DENND2D: variants seen among roughly 807,000 people sequenced by gnomAD.
The protein encoded by DENND2D is DENN domain-containing protein 2D.
A neutral mutation model predicts 59.8 loss-of-function variants in DENND2D; 37 were observed. The ratio of observed to expected loss-of-function variants is 0.62; its 90% CI spans 0.48 to 0.81. The LOEUF (loss-of-function observed/expected upper bound fraction) is 0.81. DENND2D is among the 40% of genes least tolerant of loss of function. The pLI, the probability that DENND2D is intolerant of heterozygous loss-of-function variation, is 0.00. For synonymous variants in DENND2D, 219 were observed against 211.3 expected (o/e 1.04, Z -0.31); for missense variants, 525 against 579.7 (o/e 0.91, Z 0.97).
chr1:111,202,832 C>A (rs1218018565), upstream of DENND2D, among the ~76,000 whole-genome samples: 2 of 152,114 alleles, frequency 1.3e-5, no homozygotes, highest in Admixed American at 1.3e-4. Flanking sequence ...GGCATATGCT[C>A]CTGGCCCTAC....
At chr1:111,197,804 T>C (rs1405703061) in intron 4 of DENND2D, 116 bp downstream of exon 4, 2 of 1,530,590 alleles carry the variant, frequency 1.3e-6, no homozygotes, top group East Asian at 2.4e-5. Flanking sequence ...GGCTGTGCTT[T>C]TTCTACAACC....
Position 111,187,663 on chromosome 1 carries a change from A to G in DENND2D, c.1358T>C (p.Ile453Thr). ...TTTCTTCTGTTCCTCATATTCAAGT[A>G]TTTTCTGTTGGAAATAGCCTGTGGG... The part of the protein sequence containing the change: ...NPPAGYFQQK[I>T]LEYEEQKKQK... Residue 453 changes from isoleucine (I) to threonine (T), a missense_variant, in exon 12 of 12, where the codon ATA (isoleucine) becomes ACA (threonine). Physicochemically the swap from Ile to Thr is moderately conservative, Grantham distance 89 (BLOSUM62 -1). Coordinates refer to ENST00000357640, the MANE Select transcript of DENND2D (RefSeq NM_024901.5). The G allele has an allele frequency of 6.2e-7, 1 of 1,613,686 alleles. No homozygotes were observed. Among genetic ancestry groups the G allele is most frequent in the Non-Finnish European group, 8.5e-7 (1 of 1,179,774 alleles).
Position 111,185,988 on chromosome 1 carries a change from T to C in DENND2D, c.*1617A>G, listed in dbSNP as rs3818797. Among the ~76,000 whole-genome samples, 40,133 of 152,130 alleles carry C rather than the reference T, an allele frequency of 0.26. 5,303 individuals are homozygous for C. The highest frequency in any genetic ancestry group is 0.37 in the East Asian group (1,895 of 5,176). On this transcript the variant is annotated 3_prime_UTR_variant, in exon 12 of 12. Transcript: ENST00000357640. ...AAGATGTTAAGGGCTAATTGAAATG[T>C]GTTTATTCTCCTAGATTCTTTTTCA... is the stretch of plus-strand genomic sequence containing the variant.
upstream of DENND2D, among the ~76,000 whole-genome samples, chr1:111,203,469 T>C (rs770198780): frequency 1.8e-4 from 27 of 152,264 alleles, no homozygotes; most frequent in Non-Finnish European, 2.9e-4. Context: ...GCCATAGGAC[T>C]GGCTAGTGGT....
chr1:111,187,304 G>A lies in DENND2D; in HGVS notation c.*301C>T. On this transcript the variant is annotated 3_prime_UTR_variant, in exon 12 of 12. Transcript: ENST00000357640. ...ATAATGATGGGAGAGGGCAGTTGCAGCAGCTTCTAACCAAGTGTCTACAAC... is the reference window on the plus strand; with the variant it reads ...ATAATGATGGGAGAGGGCAGTTGCAACAGCTTCTAACCAAGTGTCTACAAC... The A allele has an allele frequency of 2.9e-6, 1 of 347,172 alleles. No homozygotes were observed. Among genetic ancestry groups the A allele is most frequent in the Non-Finnish European group, 5.4e-6 (1 of 186,022 alleles). The allele number at this position is 347,172 out of a possible 1,614,324, so 21.5% of individuals were successfully genotyped here. A position where few individuals can be genotyped will look rare whatever the true frequency, so the allele number is the denominator to read the frequency against.
chr1:111,189,253 C>T lies in DENND2D; in HGVS notation c.973G>A (p.Val325Ile). The part of the protein sequence containing the change: ...QEVMDSPMEE[V>I]LLVNLCEGTF... Reference sequence around the variant, plus strand: ...CCTTCACAAAGATTGACCAGCAGGACCTGAAATAAACATAGACTGGCTTTC... The same window carrying T: ...CCTTCACAAAGATTGACCAGCAGGATCTGAAATAAACATAGACTGGCTTTC... Residue 325 changes from valine (V) to isoleucine (I), a missense_variant and splice_region_variant, in exon 9 of 12, where the codon GTC becomes ATC. By Grantham distance (29) the Val-to-Ile change is conservative. Coordinates refer to ENST00000357640, the MANE Select transcript of DENND2D (RefSeq NM_024901.5). 1 of 1,614,152 alleles carries T rather than the reference C, an allele frequency of 6.2e-7. No homozygotes were observed. Among genetic ancestry groups the T allele is most frequent in the East Asian group, 2.2e-5 (1 of 44,884 alleles).
chr1:111,204,498 C>A, upstream of DENND2D: 1 of 893,248 alleles, frequency 1.1e-6, no homozygotes, highest in Non-Finnish European at 1.5e-6. Context: ...ACCTTCCGGA[C>A]TCCGGCCCAA....
At position 111,186,302 on chromosome 1, in the gene DENND2D, A is replaced by AC. The variant is rs1657251610; in HGVS notation, c.*1302_*1303insG. On this transcript the variant is annotated 3_prime_UTR_variant, in exon 12 of 12. Transcript: ENST00000357640. Reference sequence around the variant, plus strand: ...TAGGCACCACTGCCATAAACTACCAAAAAAAAATGTAATTCCTAGAAGCTG... The same window carrying AC: ...TAGGCACCACTGCCATAAACTACCAACAAAAAAATGTAATTCCTAGAAGCTG... Among the ~76,000 whole-genome samples the AC allele has an allele frequency of 6.6e-6, 1 of 151,686 alleles. No homozygotes were observed. The highest frequency in any genetic ancestry group is 1.5e-5 in the Non-Finnish European group (1 of 67,922).
At chr1:111,198,943 T>C (rs1220358859) in intron 2 of DENND2D, among the ~76,000 whole-genome samples, 2 of 152,206 alleles carry the variant, frequency 1.3e-5, no homozygotes. Context: ...ACTCCAAAGC[T>C]GAAACAGCCC....
chr1:111,189,477 G>T, intron 8 of DENND2D: 1 of 573,708 alleles, frequency 1.7e-6, no homozygotes. Context: ...TGTAGGAAGG[G>T]AGTAGGAGAA....
chr1:111,188,422 CCAAACT>C, intron 10 of DENND2D, 52 bp from the exon 11 acceptor site: 1 of 1,592,544 alleles, frequency 6.3e-7, no homozygotes, highest in Non-Finnish European at 8.6e-7. Flanking sequence ...ATGAAATTAC[CCAAACT>C]CACCTTCAAG....
Position 111,198,751 on chromosome 1 carries a change from C to T in DENND2D, c.244-9G>A, listed in dbSNP as rs2101499128. On this transcript the variant is annotated splice_polypyrimidine_tract_variant and intron_variant, in intron 2 of 11. Coordinates refer to ENST00000357640, the MANE Select transcript of DENND2D (RefSeq NM_024901.5). ...CGAAGCAGGTTCTCCCGCTATAAGG[C>T]AAAGGAAAAGACAAGTGGATGTGAA... The T allele has an allele frequency of 6.2e-7, 1 of 1,614,004 alleles. No individual in the cohort carries two copies. The highest frequency in any genetic ancestry group is 8.5e-7 in the Non-Finnish European group (1 of 1,179,980).
chr1:111,189,336 G>T, intron 8 of DENND2D, 83 bp from the exon 9 acceptor site: 1 of 1,491,846 alleles, frequency 6.7e-7, no homozygotes, highest in Non-Finnish European at 9.3e-7. Flanking sequence ...TTCTGCCTGT[G>T]GCTGTATCTT....
At chr1:111,197,874 C>G (rs753847787) in intron 4 of DENND2D, 46 bp downstream of exon 4, 4 of 1,612,126 alleles carry the variant, frequency 2.5e-6, no homozygotes, top group Admixed American at 1.7e-5. Context: ...AGCCGTGGAG[C>G]TGAGCAGACT....
rs1657412923 is a variant in DENND2D at position 111,188,327 on chromosome 1, C to T, written c.1143G>A (p.Gln381=). 6.2e-7 allele frequency: 1 copy of T among 1,614,142 alleles called. No individual in the cohort carries two copies. The highest frequency in any genetic ancestry group is 8.5e-7 in the Non-Finnish European group (1 of 1,180,038). ...INEHVSGPFV[Q]FFVKIVGHYA... ...AATGGCCCACAATCTTGACAAAGAA[C>T]TGCACAAAGGGGCCTGAAACATGCT... is the stretch of plus-strand genomic sequence containing the variant. The change falls in exon 11 of 12, where the codon CAG becomes CAA. Residue 381 remains glutamine (Q), a synonymous_variant. Transcript: ENST00000357640.
At chr1:111,200,256 C>T in intron 1 of DENND2D, 137 bp downstream of exon 1, 2 of 1,234,790 alleles carry the variant, frequency 1.6e-6, no homozygotes. Flanking sequence ...CAGAGGAAGC[C>T]TCCTGACCCA....
chr1:111,192,864 C>G (rs1251006535), intron 7 of DENND2D, among the ~76,000 whole-genome samples: 1 of 152,198 alleles, frequency 6.6e-6, no homozygotes. Context: ...CACACAGCCC[C>G]CTCTGGGCAC....
Position 111,187,201 on chromosome 1 carries a change from C to G in DENND2D, c.*404G>C, listed in dbSNP as rs1407961338. ...AAAATAAGATTTTCCTCTTTACTCT[C>G]GTCCTTACATGTCCACAGACTTCAT... On this transcript the variant is annotated 3_prime_UTR_variant, in exon 12 of 12. Transcript: ENST00000357640. The G allele has an allele frequency of 3.0e-5, 5 of 167,854 alleles. No homozygotes were observed. 10.4% of individuals were successfully genotyped at this position (167,854 alleles called of 1,614,324 possible). A position where few individuals can be genotyped will look rare whatever the true frequency, so the allele number is the denominator to read the frequency against.
chr1:111,187,562 A>G lies in DENND2D; in HGVS notation c.*43T>C, dbSNP rs371018572. On this transcript the variant is annotated 3_prime_UTR_variant, in exon 12 of 12. Transcript: ENST00000357640. Reference sequence around the variant, plus strand: ...GCCACACTGGCAGGGGCTGAAGTCCAGAAATGGTGTGTAGCTCTAGTCATT... The same window carrying G: ...GCCACACTGGCAGGGGCTGAAGTCCGGAAATGGTGTGTAGCTCTAGTCATT... 1.8e-5 allele frequency: 28 copies of G among 1,562,052 alleles called. No homozygotes were observed. The highest frequency in any genetic ancestry group is 4.1e-5 in the African/African-American group (3 of 73,780).
Sources: gnomAD v4.1 joint callset for allele counts (sites outside exome capture counted in the v4.1 genomes callset) on GRCh38, gnomAD v4.1.1 for gene constraint, MANE v1.5 for transcripts, NCBI Gene and HGNC (gene_info 2026-07-23, HGNC 2026-07-21) for gene names.